COL27A1: variants seen among roughly 807,000 people sequenced by gnomAD.
COL27A1 encodes collagen alpha-1(XXVII) chain.
COL27A1 carries 106 observed loss-of-function variants against 251.3 expected under a neutral mutation model. The observed-to-expected ratio is 0.42, with a 90% CI of 0.36 to 0.50. The LOEUF (loss-of-function observed/expected upper bound fraction) is 0.50. COL27A1 is among the 20% of genes least tolerant of loss of function. The probability of loss-of-function intolerance (pLI) is 0.00; values close to 1 mark genes in which losing one functional copy is unlikely to be tolerated. For missense variants in COL27A1, 2,325 were observed against 2,522.8 expected, an observed-to-expected ratio of 0.92 and a Z score of 1.68; for synonymous variants, 1,000 against 986.3, an observed-to-expected ratio of 1.01 and a Z score of -0.26.
rs1340539357 is a variant in COL27A1, at chr9:114,225,074, G to A, written c.2466+2807G>A. ...CATTTATACTAAAATGTCACTCATTGTTTATCTGATATTCAAATTTAACTG... is the reference window on the plus strand; with the variant it reads ...CATTTATACTAAAATGTCACTCATTATTTATCTGATATTCAAATTTAACTG... On this transcript the variant is annotated intron_variant, in intron 14 of 60. Transcript: ENST00000356083. Among the ~76,000 whole-genome samples the A allele has an allele frequency of 3.3e-5, 5 of 152,308 alleles. No homozygotes were observed. In the East Asian group the frequency reaches 9.6e-4, roughly 29 times the overall value.
chr9:114,169,324 T>C lies in COL27A1; in HGVS notation c.1769T>C (p.Leu590Pro). The change falls in exon 3 of 61, where the codon CTG becomes CCG. Residue 590 changes from leucine (L) to proline (P), a missense_variant. Leu to Pro is a moderately conservative substitution (Grantham distance 98). This residue lies in a region of COL27A1 where 1,183 missense variants were observed against 1,144.1 expected (regional missense o/e 1.03). Coordinates refer to ENST00000356083, the MANE Select transcript of COL27A1 (RefSeq NM_032888.4). ...CCCAGTCAGCAGACCACCCCGGCCC[T>C]GGTATTGGCCCCGGCGCAATTCCTG... ...PQPSQQTTPA[L>P]VLAPAQFLSS... 1.2e-6 allele frequency: 2 copies of C among 1,612,534 alleles called. No homozygotes were observed. Among genetic ancestry groups the C allele is most frequent in the Non-Finnish European group, 8.5e-7 (1 of 1,179,558 alleles).
chr9:114,184,889 C>T (rs918451685), intron 5 of COL27A1, among the ~76,000 whole-genome samples: 4 of 152,156 alleles, frequency 2.6e-5, no homozygotes, highest in Non-Finnish European at 5.9e-5. Context: ...ATCAAGATGC[C>T]GAGCATCAGC....
rs1829399533 is a variant in COL27A1, at chr9:114,310,885, A to G, written c.*190A>G. On this transcript the variant is annotated 3_prime_UTR_variant, in exon 61 of 61. Transcript: ENST00000356083. ...AGGGGATAGGGTGTCCTTGGGAACAATGGATCCCAGCTTAGCCCCAAAGAC... is the reference window on the plus strand; with the variant it reads ...AGGGGATAGGGTGTCCTTGGGAACAGTGGATCCCAGCTTAGCCCCAAAGAC... 3 of 555,674 alleles carry G rather than the reference A, an allele frequency of 5.4e-6. No homozygotes were observed. The highest frequency in any genetic ancestry group is 1.9e-5 in the African/African-American group (1 of 53,136). 34.4% of individuals were successfully genotyped at this position (555,674 alleles called of 1,614,324 possible).
At position 114,304,432 on chromosome 9, in the gene COL27A1, A is replaced by G. The variant is rs1040185776; in HGVS notation, c.4873-176A>G. ...TGGGGAGCTATTAGTACCTGGGGAA[A>G]GGGAATGGCAGGGTCAGCTTTGACT... On this transcript the variant is annotated intron_variant, in intron 56 of 60. Coordinates refer to ENST00000356083, the MANE Select transcript of COL27A1 (RefSeq NM_032888.4). The G allele has an allele frequency of 1.1e-5, 7 of 625,874 alleles. No homozygotes were observed. The South Asian group carries it at 1.3e-4, about 12-fold the overall frequency. The allele number at this position is 625,874 out of a possible 1,614,324, so 38.8% of individuals were successfully genotyped here. A position where few individuals can be genotyped will look rare whatever the true frequency, so the allele number is the denominator to read the frequency against.
At chr9:114,228,110 C>T (rs1269085572) in intron 14 of COL27A1, among the ~76,000 whole-genome samples, 4 of 152,176 alleles carry the variant, frequency 2.6e-5, no homozygotes, top group Admixed American at 2.0e-4. Context: ...GCCCCCACCA[C>T]ACACAGACCC....
chr9:114,158,337 A>G (rs1031954232), intron 1 of COL27A1, among the ~76,000 whole-genome samples: 2 of 152,206 alleles, frequency 1.3e-5, no homozygotes, highest in Non-Finnish European at 2.9e-5. Context: ...TAAGGATGGA[A>G]GAAAACTATC....
chr9:114,278,363 AGTGG>A, intron 37 of COL27A1, among the ~76,000 whole-genome samples: 1 of 110,872 alleles, frequency 9.0e-6, no homozygotes, highest in East Asian at 2.8e-4. Context: ...CGATGGTGAT[AGTGG>A]AGTGGAGGTG....
intron 5 of COL27A1, among the ~76,000 whole-genome samples, chr9:114,193,063 G>T (rs1298948852): frequency 6.6e-6 from 1 of 152,164 alleles, no homozygotes; most frequent in Non-Finnish European, 1.5e-5. Context: ...AAAGGTGAGG[G>T]AGCTGAGCTC....
intron 7 of COL27A1, among the ~76,000 whole-genome samples, chr9:114,204,320 A>G (rs1588653455): frequency 6.6e-6 from 1 of 152,148 alleles, no homozygotes; most frequent in Non-Finnish European, 1.5e-5. Context: ...GAAGCCCCCC[A>G]TCTGATGGAA....
At chr9:114,306,800 A>G (rs978936171) in intron 58 of COL27A1, 112 bp downstream of exon 58, 3 of 1,132,154 alleles carry the variant, frequency 2.6e-6, no homozygotes, top group Non-Finnish European at 3.7e-6. Context: ...AGCAAGACAG[A>G]TACACTGGCA....
At chr9:114,292,035 C>T in intron 48 of COL27A1, 68 bp from the exon 49 acceptor site, 1 of 1,370,986 alleles carries the variant, frequency 7.3e-7, no homozygotes, top group Non-Finnish European at 1.0e-6. Flanking sequence ...TCCCAGGCCC[C>T]CTCCGCCTCC....
At chr9:114,199,900 C>A (rs562211857) in intron 7 of COL27A1, among the ~76,000 whole-genome samples, 7 of 152,330 alleles carry the variant, frequency 4.6e-5, no homozygotes, top group African/African-American at 1.7e-4. Context: ...TCTTACCATA[C>A]TGCCCCAGAT....
chr9:114,291,565 A>G (rs763167867), intron 48 of COL27A1, among the ~76,000 whole-genome samples: 2 of 152,186 alleles, frequency 1.3e-5, no homozygotes, highest in African/African-American at 4.8e-5. Context: ...CCCGGCCAAC[A>G]TGGGGAAACC....
At chr9:114,302,940 T>C (rs1828764294) in intron 56 of COL27A1, among the ~76,000 whole-genome samples, 1 of 152,098 alleles carries the variant, frequency 6.6e-6, no homozygotes, top group Non-Finnish European at 1.5e-5. Flanking sequence ...AAAGACTGAA[T>C]GGGCCAGGAG....
At chr9:114,154,795 C>T (rs765476813), upstream of COL27A1, among the ~76,000 whole-genome samples, 8 of 151,912 alleles carry the variant, frequency 5.3e-5, no homozygotes, top group Non-Finnish European at 1.2e-4. The surrounding 1 kb of genome is among the most constrained non-coding windows in gnomAD (Gnocchi z 5.8). Flanking sequence ...GTGTGTGCAC[C>T]GGTGAATAAG....
chr9:114,228,494 C>T (rs977956063), intron 14 of COL27A1, among the ~76,000 whole-genome samples: 4 of 152,198 alleles, frequency 2.6e-5, no homozygotes, highest in African/African-American at 9.6e-5. Context: ...CCCTTCCAAT[C>T]CGGCTTCTCT....
intron 4 of COL27A1, 26 bp from the exon 5 acceptor site, chr9:114,182,996 T>C (rs1327257580): frequency 1.9e-5 from 30 of 1,610,054 alleles, no homozygotes; most frequent in Non-Finnish European, 2.5e-5. Context: ...TCACCTTTTT[T>C]TGTTTTTGTT....
intron 41 of COL27A1, 41 bp downstream of exon 41, chr9:114,284,818 C>G (rs897643046): frequency 1.2e-6 from 2 of 1,608,132 alleles, no homozygotes; most frequent in Non-Finnish European, 1.7e-6. Context: ...ACCCTCGTGT[C>G]TGAGGCTGAG....
At chr9:114,169,524 C>T in intron 3 of COL27A1, 61 bp downstream of exon 3, 1 of 1,329,880 alleles carries the variant, frequency 7.5e-7, no homozygotes, top group Non-Finnish European at 1.0e-6. Context: ...GGGCATTGGT[C>T]AAGTGGTTGC....
Sources: gnomAD v4.1 joint callset for allele counts (sites outside exome capture counted in the v4.1 genomes callset) on GRCh38, gnomAD v4.1.1 for gene constraint, gnomAD v4.1.1 regional missense constraint, Gnocchi (gnomAD v3.1) non-coding constraint, MANE v1.5 for transcripts, NCBI Gene and HGNC (gene_info 2026-07-23, HGNC 2026-07-21) for gene names.